NOP14: variants seen among roughly 807,000 people sequenced by gnomAD.
NOP14 encodes nucleolar protein 14.
NOP14 carries 57 observed loss-of-function variants against 101.6 expected under a neutral mutation model. The observed-to-expected ratio is 0.56, with a 90% CI of 0.45 to 0.70. The LOEUF is 0.70. NOP14 is among the 30% of genes least tolerant of loss of function. NOP14 has a pLI of 0.00. For missense variants in NOP14, 1,134 were observed against 1,075.5 expected, an observed-to-expected ratio of 1.05 and a Z score of -0.76; for synonymous variants, 428 against 424.0, an observed-to-expected ratio of 1.01 and a Z score of -0.12.
chr4:2,939,336 A>T lies in NOP14; in HGVS notation c.2326T>A (p.Phe776Ile). The change falls in exon 17 of 18, where the codon TTT (phenylalanine) becomes ATT (isoleucine). Residue 776 changes from phenylalanine (F) to isoleucine (I), a missense_variant. Transcript: ENST00000416614. ...FTPRLVKVLE[F>I]GRKQGSSKEE... ...TTACTACTGCCTTGTTTTCTTCCAAACTCGAGGCTACAACCAGAAAGCCAC... is the reference window on the plus strand; with the variant it reads ...TTACTACTGCCTTGTTTTCTTCCAATCTCGAGGCTACAACCAGAAAGCCAC... 6.2e-7 allele frequency: 1 copy of T among 1,613,588 alleles called. No homozygotes were observed. Among genetic ancestry groups the T allele is most frequent in the Non-Finnish European group, 8.5e-7 (1 of 1,179,930 alleles).
intron 13 of NOP14, among the ~76,000 whole-genome samples, chr4:2,943,604 G>A (rs754866294): frequency 6.6e-6 from 1 of 152,248 alleles, no homozygotes; most frequent in African/African-American, 2.4e-5. Flanking sequence ...AGAGCGTTAA[G>A]AGAAGCGACA....
At chr4:2,961,270 G>GTAACTA (rs1560312402) in intron 1 of NOP14, 5 of 102,868 alleles carry the variant, frequency 4.9e-5, no homozygotes, top group African/African-American at 6.6e-5. Context: ...AATATAGTTA[G>GTAACTA]TATATTAATA....
At chr4:2,958,598 A>G (rs1715504812) in intron 1 of NOP14, among the ~76,000 whole-genome samples, 3 of 152,176 alleles carry the variant, frequency 2.0e-5, no homozygotes, top group Admixed American at 1.3e-4. Context: ...CCCACCACAA[A>G]TCGGTGCCTC....
intron 12 of NOP14, 44 bp downstream of exon 12, chr4:2,945,084 G>T: frequency 2.2e-6 from 3 of 1,393,598 alleles, no homozygotes; most frequent in Non-Finnish European, 2.0e-6. Context: ...CCGGCCACCC[G>T]TGGTGCAGCA....
Position 2,954,522 on chromosome 4 carries a change from G to A in NOP14, c.514C>T (p.Leu172Phe), listed in dbSNP as rs186503666. Residue 172 changes from leucine (L) to phenylalanine (F), a missense_variant, in exon 4 of 18, where the codon CTT becomes TTT. Leu to Phe is a conservative substitution (Grantham distance 22, BLOSUM62 0). Coordinates refer to ENST00000416614, the MANE Select transcript of NOP14 (RefSeq NM_001291978.2). ...CCTTCCTGTTGAGTCTTCTTGTGAA[G>A]GAGCCCACCGCCTCCTCCAAAGTGG... ...AAHFGGGGGL[L>F]HKKTQQEGEE... is the part of the protein sequence containing the mutation. 2 of 1,614,158 alleles carry A rather than the reference G, an allele frequency of 1.2e-6. No individual in the cohort carries two copies. Among genetic ancestry groups the A allele is most frequent in the African/African-American group, 2.7e-5 (2 of 75,048 alleles).
chr4:2,955,172 C>G (rs1438612407), intron 3 of NOP14, among the ~76,000 whole-genome samples: 1 of 105,962 alleles, frequency 9.4e-6, no homozygotes, highest in African/African-American at 3.9e-5. Context: ...TAGTCACCTG[C>G]ACGCCACGGC....
rs1031506782 is a variant in NOP14 at position 2,938,996 on chromosome 4, C to G, written c.2475-66G>C. ...TCTTGGAGAGCATCTTGCCCTCTCTCTCCCACATCAGAACCACATTAGCCA... is the reference window on the plus strand; with the variant it reads ...TCTTGGAGAGCATCTTGCCCTCTCTGTCCCACATCAGAACCACATTAGCCA... On this transcript the variant is annotated intron_variant, in intron 17 of 17. Transcript: ENST00000416614. The G allele has an allele frequency of 3.3e-6, 5 of 1,519,502 alleles. No homozygotes were observed. In the African/African-American group the frequency reaches 6.9e-5, roughly 21 times the overall value. 94.1% of individuals were successfully genotyped at this position (1,519,502 alleles called of 1,614,324 possible). A position where few individuals can be genotyped will look rare whatever the true frequency, so the allele number is the denominator to read the frequency against.
At position 2,941,737 on chromosome 4, in the gene NOP14, G is replaced by A. The variant is rs1237166733; in HGVS notation, c.2052-8C>T. On this transcript the variant is annotated splice_region_variant and splice_polypyrimidine_tract_variant and intron_variant, in intron 14 of 17. Transcript: ENST00000416614. ...ACAGCCAGGCAGGACAGTCTGTGAG[G>A]GCAGGAGGCAAGAGGAGGTCCAACT... The A allele has an allele frequency of 8.7e-6, 14 of 1,611,044 alleles. No individual in the cohort carries two copies. Among genetic ancestry groups the A allele is most frequent in the Non-Finnish European group, 1.1e-5 (13 of 1,179,194 alleles).
rs1364622245 is a variant in NOP14 at position 2,939,237 on chromosome 4, T to C, written c.2425A>G (p.Lys809Glu). 2 of 1,613,910 alleles carry C rather than the reference T, an allele frequency of 1.2e-6. No individual in the cohort carries two copies. The highest frequency in any genetic ancestry group is 1.7e-5 in the Admixed American group (1 of 60,010). The change falls in exon 17 of 18, where the codon AAG (lysine) becomes GAG (glutamate). Residue 809 changes from lysine (K) to glutamate (E), a missense_variant. Physicochemically the swap from Lys to Glu is moderately conservative, Grantham distance 56. Transcript: ENST00000416614. ...ATCCTCGCCAGGAACTGATTGTCCT[T>C]GCGGATTTCTCGAACGGCCCCTTTA... ...EFKGAVREIRKDNQFLARMQL... is the reference protein window; with the variant it reads ...EFKGAVREIREDNQFLARMQL...
chr4:2,953,461 G>A, intron 5 of NOP14, 50 bp downstream of exon 5: 5 of 1,599,372 alleles, frequency 3.1e-6, no homozygotes, highest in Non-Finnish European at 4.3e-6. Flanking sequence ...GAGAAAGTCG[G>A]TCACCCAAGC....
At chr4:2,947,101 G>A (rs1352948115) in intron 10 of NOP14, 9 of 226,530 alleles carry the variant, frequency 4.0e-5, no homozygotes, top group Admixed American at 1.6e-4. Flanking sequence ...TCGCCCTGGC[G>A]GTCCCCATGC....
chr4:2,956,887 T>G, intron 2 of NOP14, 76 bp from the exon 3 acceptor site: 1 of 1,256,972 alleles, frequency 8.0e-7, no homozygotes, highest in Non-Finnish European at 1.1e-6. Context: ...AAGGTAGATA[T>G]ATATATTTCC....
intron 1 of NOP14, among the ~76,000 whole-genome samples, chr4:2,961,046 TTAA>T (rs1409426398): frequency 9.1e-6 from 1 of 110,054 alleles, no homozygotes; most frequent in Non-Finnish European, 1.7e-5. Flanking sequence ...CAATATTATA[TTAA>T]TACTACATCA....
In NOP14 at chr4:2,939,235, C is replaced by T; in HGVS notation, c.2427G>A (p.Lys809=). 2.5e-6 allele frequency: 4 copies of T among 1,614,006 alleles called. No individual in the cohort carries two copies. Among genetic ancestry groups the T allele is most frequent in the Non-Finnish European group, 2.5e-6 (3 of 1,180,044 alleles). Reference sequence around the variant, plus strand: ...GCATCCTCGCCAGGAACTGATTGTCCTTGCGGATTTCTCGAACGGCCCCTT... The same window carrying T: ...GCATCCTCGCCAGGAACTGATTGTCTTTGCGGATTTCTCGAACGGCCCCTT... ...EFKGAVREIR[K]DNQFLARMQL... The change falls in exon 17 of 18, where the codon AAG becomes AAA. Residue 809 remains lysine (K), a synonymous_variant. Transcript: ENST00000416614.
intron 15 of NOP14, chr4:2,940,198 T>A (rs1714049417): frequency 6.5e-6 from 1 of 154,228 alleles, no homozygotes; most frequent in Admixed American, 6.4e-5. Flanking sequence ...TAAGACCCAT[T>A]TTCACCAAGA....
chr4:2,952,434 A>G lies in NOP14; in HGVS notation c.748-37T>C, dbSNP rs538032347. 5.1e-5 allele frequency: 77 copies of G among 1,517,518 alleles called. 1 individual carries two copies. The East Asian group carries it at 1.7e-3, about 34-fold the overall frequency. 94.0% of individuals were successfully genotyped at this position (1,517,518 alleles called of 1,614,324 possible). ...AGAAGAAATTCTTCATTTTAAAAATATATTTATTTCTTATTTTACAAAAAG... is the reference window on the plus strand; with the variant it reads ...AGAAGAAATTCTTCATTTTAAAAATGTATTTATTTCTTATTTTACAAAAAG... On this transcript the variant is annotated intron_variant, in intron 5 of 17. Transcript: ENST00000416614.
At chr4:2,942,390 A>G (rs1282294652) in intron 13 of NOP14, 39 bp from the exon 14 acceptor site, 3 of 1,590,160 alleles carry the variant, frequency 1.9e-6, no homozygotes, top group African/African-American at 1.3e-5. Flanking sequence ...TGGCCTGAAC[A>G]TTACTGGGCT....
At chr4:2,943,615 C>T (rs1449666762) in intron 13 of NOP14, among the ~76,000 whole-genome samples, 2 of 152,264 alleles carry the variant, frequency 1.3e-5, no homozygotes, top group African/African-American at 4.8e-5. Flanking sequence ...AGAAGCGACA[C>T]AGCAGCGCGG....
At chr4:2,946,657 ACT>A (rs557539544) in intron 10 of NOP14, 110 bp from the exon 11 acceptor site, 1 of 929,948 alleles carries the variant, frequency 1.1e-6, no homozygotes, top group South Asian at 1.6e-5. Context: ...GCAAGTAAGA[ACT>A]GGATGAATCC....
Sources: gnomAD v4.1 joint callset for allele counts (sites outside exome capture counted in the v4.1 genomes callset) on GRCh38, gnomAD v4.1.1 for gene constraint, MANE v1.5 for transcripts, NCBI Gene and HGNC (gene_info 2026-07-23, HGNC 2026-07-21) for gene names.